The following FAM120B variants were observed in gnomAD, a reference collection of about 807,000 sequenced individuals.
FAM120B encodes constitutive coactivator of peroxisome proliferator-activated receptor gamma.
Under a neutral mutation model 96.3 loss-of-function variants are expected in FAM120B, and 83 were observed. The observed-to-expected ratio is 0.86, with a 90% CI of 0.72 to 1.03. FAM120B has a LOEUF of 1.03. FAM120B is among the 50% of genes least tolerant of loss of function. The probability of loss-of-function intolerance (pLI) is 0.00; values close to 1 mark genes in which losing one functional copy is unlikely to be tolerated. For synonymous variants in FAM120B, 407 were observed against 402.7 expected (o/e 1.01, Z -0.13); for missense variants, 1,027 against 1,121.2 (o/e 0.92, Z 1.20).
At chr6:170,320,529 G>C (rs1032107906) in intron 2 of FAM120B, among the ~76,000 whole-genome samples, 2 of 152,226 alleles carry the variant, frequency 1.3e-5, no homozygotes, top group African/African-American at 4.8e-5. Flanking sequence ...AAGTCTTGCT[G>C]TGGAGGTGAA....
At chr6:170,376,152 G>C (rs1464544951) in intron 6 of FAM120B, among the ~76,000 whole-genome samples, 1 of 152,136 alleles carries the variant, frequency 6.6e-6, no homozygotes, top group Non-Finnish European at 1.5e-5. Context: ...ATACAAGGAG[G>C]AGGCCCTAGT....
At position 170,388,367 on chromosome 6, in the gene FAM120B, C is replaced by T. The variant is rs539992328; in HGVS notation, c.2364C>T (p.Ser788=). The T allele has an allele frequency of 8.7e-6, 14 of 1,614,112 alleles. No homozygotes were observed. The highest frequency in any genetic ancestry group is 1.6e-4 in the Middle Eastern group (1 of 6,062). ...RGLTTLVLVN[S]ACGFPWKTSD... is the part of the protein sequence containing the mutation. ...TCACCACTCTGGTTTTAGTCAACAG[C>T]GCATGTGGCTTCCCCTGGAAGACGA... Residue 788 remains serine, a synonymous_variant, in exon 7 of 11, where the codon AGC becomes AGT. Transcript: ENST00000476287.
intron 6 of FAM120B, among the ~76,000 whole-genome samples, chr6:170,371,567 T>C (rs1293374473): frequency 6.6e-6 from 1 of 152,158 alleles, no homozygotes; most frequent in Non-Finnish European, 1.5e-5. Flanking sequence ...TTTCAAGAAT[T>C]GTGTGTAAAA....
chr6:170,330,925 G>A (rs55692522), intron 4 of FAM120B: 80 of 192,082 alleles, frequency 4.2e-4, no homozygotes, highest in African/African-American at 1.7e-3. Flanking sequence ...TAACAGGATA[G>A]ATTCTTGATA....
At chr6:170,320,662 C>T (rs762762307) in intron 2 of FAM120B, among the ~76,000 whole-genome samples, 3 of 152,112 alleles carry the variant, frequency 2.0e-5, no homozygotes, top group Non-Finnish European at 4.4e-5. Context: ...ACCTCTAACA[C>T]ATGTTCTCGT....
intron 8 of FAM120B, among the ~76,000 whole-genome samples, chr6:170,394,503 A>G (rs60196398): frequency 1.5e-5 from 2 of 136,908 alleles, no homozygotes; most frequent in Admixed American, 7.2e-5. Context: ...ATGCCAGCAC[A>G]AGGCCACGCC....
At chr6:170,382,437 A>G (rs1789964741) in intron 6 of FAM120B, among the ~76,000 whole-genome samples, 1 of 152,170 alleles carries the variant, frequency 6.6e-6, no homozygotes, top group African/African-American at 2.4e-5. Context: ...AGATCTAGTG[A>G]GAGTTCAGCA....
chr6:170,306,246 C>A (rs1375257737), upstream of FAM120B, among the ~76,000 whole-genome samples: 6 of 152,200 alleles, frequency 3.9e-5, no homozygotes, highest in Non-Finnish European at 8.8e-5. Flanking sequence ...GACGTCCCCG[C>A]TCCCTCCCCA....
At chr6:170,395,376 AAGTACGGGG>A (rs1790674119) in intron 8 of FAM120B, 102 bp from the exon 9 acceptor site, 1 of 830,692 alleles carries the variant, frequency 1.2e-6, no homozygotes, top group Non-Finnish European at 2.0e-6. Context: ...CCTCTGATTT[AAGTACGGGG>A]ATACTGCTGA....
At position 170,387,398 on chromosome 6, in the gene FAM120B, A is replaced by G. The variant is rs894464849; in HGVS notation, c.2284-889A>G. On this transcript the variant is annotated intron_variant, in intron 6 of 10. Transcript: ENST00000476287. ...TTTAAAATAACTCTTGGTTAATTTG[A>G]GCTACATAGATAAGCCAGACAATGA... Among the ~76,000 whole-genome samples the G allele has an allele frequency of 2.6e-5, 4 of 152,156 alleles. No homozygotes were observed. In the East Asian group the frequency reaches 7.7e-4, roughly 29 times the overall value.
chr6:170,295,465 C>T lies in FAM120B; in HGVS notation c.48+12C>T, dbSNP rs1472369307. 7 of 699,694 alleles carry T rather than the reference C, an allele frequency of 1.0e-5. No homozygotes were observed. In the East Asian group the frequency reaches 1.6e-4, roughly 16 times the overall value. The allele number at this position is 699,694 out of a possible 1,614,324, so 43.3% of individuals were successfully genotyped here. ...CAGGCAGGAAGGAGGTGAGCGCCGCCCGCGTGCACACAAGGCGCGCGGCCC... is the reference window on the plus strand; with the variant it reads ...CAGGCAGGAAGGAGGTGAGCGCCGCTCGCGTGCACACAAGGCGCGCGGCCC... On this transcript the variant is annotated intron_variant, in intron 1 of 10. Coordinates refer to the FAM120B transcript ENST00000537664. This position sits in a 1 kb window ranked among gnomAD's most constrained non-coding sequence, Gnocchi z 7.8.
At chr6:170,361,212 A>ATATG (rs1562566791) in intron 6 of FAM120B, among the ~76,000 whole-genome samples, 43 of 101,592 alleles carry the variant, frequency 4.2e-4, no homozygotes, top group African/African-American at 1.7e-3. Flanking sequence ...ATATATATAT[A>ATATG]TATATATATA....
chr6:170,291,185 C>T (rs1783860876), upstream of FAM120B: 5 of 617,934 alleles, frequency 8.1e-6, no homozygotes, highest in Non-Finnish European at 1.5e-5. Flanking sequence ...CCACACAAAA[C>T]GCACTCATTT....
chr6:170,337,275 C>T (rs1786498011), intron 4 of FAM120B, among the ~76,000 whole-genome samples: 1 of 152,170 alleles, frequency 6.6e-6, no homozygotes, highest in Admixed American at 6.5e-5. Flanking sequence ...GCCTTTTCTG[C>T]ATCTATTGAG....
At chr6:170,384,097 G>A (rs1173783122) in intron 6 of FAM120B, among the ~76,000 whole-genome samples, 2 of 152,224 alleles carry the variant, frequency 1.3e-5, no homozygotes, top group Non-Finnish European at 2.9e-5. Context: ...AGGATAAAGA[G>A]ATGGATAACA....
At chr6:170,292,832 G>T (rs1317301534), upstream of FAM120B, among the ~76,000 whole-genome samples, 2 of 152,170 alleles carry the variant, frequency 1.3e-5, no homozygotes, top group Non-Finnish European at 1.5e-5. This position sits in a 1 kb window ranked among gnomAD's most constrained non-coding sequence, Gnocchi z 6.6. Flanking sequence ...GTCCACTTTA[G>T]GTTTTCCACT....
chr6:170,384,203 C>T (rs1437959770), intron 6 of FAM120B, among the ~76,000 whole-genome samples: 1 of 152,118 alleles, frequency 6.6e-6, no homozygotes, highest in Admixed American at 6.5e-5. Context: ...TACACAAACC[C>T]ACCAGGTTTT....
Position 170,317,765 on chromosome 6 carries a change from G to T in FAM120B, c.375G>T (p.Gln125His), listed in dbSNP as rs1784992599. The T allele has an allele frequency of 1.2e-6, 2 of 1,614,176 alleles. No homozygotes were observed. The highest frequency in any genetic ancestry group is 1.3e-5 in the African/African-American group (1 of 75,050). ...ATTACATCAAGTCACACAAGGAGCA[G>T]CCAGGCAGAAATATGTTCTTCATCC... Reference protein sequence around the residue: ...IFHYIKSHKEQPGRNMFFIPS... With the variant: ...IFHYIKSHKEHPGRNMFFIPS... The change falls in exon 2 of 11, where the codon CAG becomes CAT. Residue 125 changes from glutamine (Q) to histidine (H), a missense_variant. Around this residue, in one of 3 missense-constraint regions of FAM120B, gnomAD observed 880 missense variants for 980.9 expected, o/e 0.90. Transcript: ENST00000476287.
chr6:170,378,913 C>G (rs1006292546), intron 6 of FAM120B, among the ~76,000 whole-genome samples: 1 of 152,196 alleles, frequency 6.6e-6, no homozygotes, highest in Non-Finnish European at 1.5e-5. Context: ...GAAGAGCGTG[C>G]TAAGTAGATG....
Sources: gnomAD v4.1 joint callset for allele counts (sites outside exome capture counted in the v4.1 genomes callset) on GRCh38, gnomAD v4.1.1 for gene constraint, gnomAD v4.1.1 regional missense constraint, Gnocchi (gnomAD v3.1) non-coding constraint, MANE v1.5 for transcripts, NCBI Gene and HGNC (gene_info 2026-07-23, HGNC 2026-07-21) for gene names.